The following SMG9 variants were observed in gnomAD, a reference collection of about 807,000 sequenced individuals.
The protein encoded by SMG9 is nonsense-mediated mRNA decay factor SMG9.
In SMG9, 55 loss-of-function variants were observed where a neutral mutation model predicts 64.0. That is an observed-to-expected ratio of 0.86 (90% CI 0.69 to 1.08). The LOEUF (loss-of-function observed/expected upper bound fraction) is 1.08, where lower values mean the gene tolerates loss of function less well. SMG9 is among the 50% of genes least tolerant of loss of function. SMG9 has a pLI of 0.00. For missense variants in SMG9, 554 were observed against 681.3 expected (o/e 0.81, Z 2.08); for synonymous variants, 244 against 254.8 (o/e 0.96, Z 0.41).
At chr19:43,753,462 T>TC (rs1249334274) in intron 1 of SMG9, among the ~76,000 whole-genome samples, 7 of 143,260 alleles carry the variant, frequency 4.9e-5, no homozygotes, top group Non-Finnish European at 4.6e-5. Context: ...GCTTTTCTTT[T>TC]TTTTTTTTTT....
chr19:43,735,570 G>C (rs909613173), intron 9 of SMG9, among the ~76,000 whole-genome samples: 1 of 135,102 alleles, frequency 7.4e-6, no homozygotes, highest in Non-Finnish European at 1.5e-5. Flanking sequence ...AGCCGAGATT[G>C]TGCCACTGCA....
Position 43,744,854 on chromosome 19 carries a change from C to G in SMG9, c.619G>C (p.Val207Leu). ...GTCCCCTGGAGGCCCAGGACACCAA[C>G]CACCAACACATCAGTCTGATCCAAC... ...YLLDQTDVLV[V>L]GVLGLQGTGK... The change falls in exon 6 of 14, where the codon GTT becomes CTT. Residue 207 changes from valine (V) to leucine (L), a missense_variant. Val to Leu is a conservative substitution (Grantham distance 32). Transcript: ENST00000270066. The G allele has an allele frequency of 3.1e-6, 5 of 1,613,990 alleles. No individual in the cohort carries two copies. The highest frequency in any genetic ancestry group is 4.2e-6 in the Non-Finnish European group (5 of 1,179,922).
At chr19:43,743,496 G>A (rs1968905199) in intron 6 of SMG9, among the ~76,000 whole-genome samples, 1 of 152,196 alleles carries the variant, frequency 6.6e-6, no homozygotes, top group East Asian at 1.9e-4. Flanking sequence ...CTGCAAATGT[G>A]TGTAAAATTC....
intron 13 of SMG9, among the ~76,000 whole-genome samples, chr19:43,731,976 G>A (rs1016397545): frequency 6.6e-6 from 1 of 152,208 alleles, no homozygotes; most frequent in Non-Finnish European, 1.5e-5. Context: ...GTGGGTGAGG[G>A]TTCAGTTTCC....
chr19:43,747,609 T>G (rs1457662816), intron 4 of SMG9, 24 bp downstream of exon 4: 4 of 1,614,042 alleles, frequency 2.5e-6, no homozygotes, highest in African/African-American at 1.3e-5. Flanking sequence ...GTTCCCAACC[T>G]GGTACTGCCC....
rs770700276 is a variant in SMG9, at chr19:43,733,607, G to T, written c.1210+19C>A. On this transcript the variant is annotated intron_variant, in intron 11 of 13. Coordinates refer to ENST00000270066, the MANE Select transcript of SMG9 (RefSeq NM_019108.4). Reference sequence around the variant, plus strand: ...ATTAGGAGGCTGACTAGCTTGGGGGGTGATGTGGGAACCCTTACCCTTGTA... The same window carrying T: ...ATTAGGAGGCTGACTAGCTTGGGGGTTGATGTGGGAACCCTTACCCTTGTA... The T allele has an allele frequency of 6.8e-6, 11 of 1,612,560 alleles. No individual in the cohort carries two copies. In the South Asian group the frequency reaches 9.9e-5, roughly 14 times the overall value.
chr19:43,746,838 C>A (rs528344844), intron 5 of SMG9, among the ~76,000 whole-genome samples: 3 of 138,178 alleles, frequency 2.2e-5, no homozygotes, highest in Non-Finnish European at 3.1e-5. Context: ...TTTTTTTTTA[C>A]TGAGACAGGG....
At position 43,737,590 on chromosome 19, in the gene SMG9, T is replaced by C; in HGVS notation, c.995+7A>G. 1 of 1,611,792 alleles carries C rather than the reference T, an allele frequency of 6.2e-7. No homozygotes were observed. The highest frequency in any genetic ancestry group is 1.1e-5 in the South Asian group (1 of 90,736). ...CCTCCCCACCCTCCAACCCCTCAGC[T>C]CCTCACCTGTAGAGACTGAGGTCTG... On this transcript the variant is annotated splice_region_variant and intron_variant, in intron 9 of 13. Transcript: ENST00000270066.
chr19:43,744,737 A>C (rs1438179783), intron 6 of SMG9, 35 bp downstream of exon 6: 5 of 1,519,434 alleles, frequency 3.3e-6, no homozygotes, highest in African/African-American at 1.4e-5. Context: ...GTGGGTGCCC[A>C]CCTCCCTCCT....
intron 8 of SMG9, 150 bp downstream of exon 8, chr19:43,737,972 A>T: frequency 1.3e-6 from 1 of 755,310 alleles, no homozygotes; most frequent in East Asian, 2.7e-5. Context: ...CCTGACTCTC[A>T]GTGTTGTCCT....
intron 1 of SMG9, among the ~76,000 whole-genome samples, chr19:43,753,864 G>A (rs1212720326): frequency 6.7e-6 from 1 of 150,300 alleles, no homozygotes; most frequent in Non-Finnish European, 1.5e-5. Flanking sequence ...ACAGTGAGCC[G>A]AGATCGTGCC....
At position 43,750,610 on chromosome 19, in the gene SMG9, T is replaced by C; in HGVS notation, c.132A>G (p.Pro44=). Reference sequence around the variant, plus strand: ...CACTCACCCTTCTCTCTCTTTCCCATGGTGCAATGTAGTCCCTCTCCCGAC... The same window carrying C: ...CACTCACCCTTCTCTCTCTTTCCCACGGTGCAATGTAGTCCCTCTCCCGAC... ...PGGRERDYIA[P]WERERRDASE... Residue 44 remains proline (P), a synonymous_variant, in exon 2 of 14, where the codon CCA becomes CCG. Coordinates refer to ENST00000270066, the MANE Select transcript of SMG9 (RefSeq NM_019108.4). 1.2e-6 allele frequency: 2 copies of C among 1,612,248 alleles called. No individual in the cohort carries two copies. The highest frequency in any genetic ancestry group is 1.7e-6 in the Non-Finnish European group (2 of 1,179,298).
chr19:43,736,065 C>A (rs1324370268), intron 9 of SMG9, among the ~76,000 whole-genome samples: 2 of 152,226 alleles, frequency 1.3e-5, no homozygotes, highest in African/African-American at 4.8e-5. Context: ...TGCATTAGAT[C>A]TGGTCAGAAC....
At chr19:43,752,968 G>C (rs980786608) in intron 1 of SMG9, among the ~76,000 whole-genome samples, 1 of 148,896 alleles carries the variant, frequency 6.7e-6, no homozygotes, top group Non-Finnish European at 1.5e-5. Context: ...TAGCTTGGAA[G>C]TATCTGTTAA....
intron 2 of SMG9, among the ~76,000 whole-genome samples, chr19:43,749,960 T>G (rs1356233075): frequency 1.3e-5 from 2 of 152,194 alleles, no homozygotes; most frequent in Non-Finnish European, 2.9e-5. Flanking sequence ...AGAATCTACC[T>G]CATGGGGTAG....
intron 5 of SMG9, among the ~76,000 whole-genome samples, chr19:43,746,836 T>A (rs405743): frequency 2.8e-5 from 4 of 144,656 alleles, no homozygotes; most frequent in East Asian, 4.0e-4. Flanking sequence ...TTTTTTTTTT[T>A]ACTGAGACAG....
intron 2 of SMG9, chr19:43,748,876 G>A (rs749723844): frequency 2.4e-5 from 12 of 505,352 alleles, no homozygotes; most frequent in African/African-American, 1.6e-4. Context: ...AAAGTGCTTC[G>A]AAAAGAAGTT....
chr19:43,745,653 G>A (rs930353207), intron 5 of SMG9, among the ~76,000 whole-genome samples: 5 of 152,180 alleles, frequency 3.3e-5, no homozygotes, highest in African/African-American at 4.8e-5. Flanking sequence ...GATCGCTTGA[G>A]GCCAGGAGTT....
chr19:43,732,771 A>G, intron 13 of SMG9, 87 bp downstream of exon 13: 1 of 1,526,724 alleles, frequency 6.5e-7, no homozygotes, highest in Non-Finnish European at 9.0e-7. Flanking sequence ...GGGGCTTCAC[A>G]AGGTCATGCC....
Sources: gnomAD v4.1 joint callset for allele counts (sites outside exome capture counted in the v4.1 genomes callset) on GRCh38, gnomAD v4.1.1 for gene constraint, MANE v1.5 for transcripts, NCBI Gene and HGNC (gene_info 2026-07-23, HGNC 2026-07-21) for gene names.